The following PPP3R1 variants were observed in gnomAD, a reference collection of about 807,000 sequenced individuals.
The protein encoded by PPP3R1 is calcineurin subunit B type 1.
PPP3R1 carries 5 observed loss-of-function variants against 22.6 expected under a neutral mutation model. The ratio of observed to expected loss-of-function variants is 0.22; its 90% CI spans 0.12 to 0.46. The LOEUF is 0.46. Ranked by LOEUF, PPP3R1 falls within the 20% of genes least tolerant of loss-of-function variation. PPP3R1 has a pLI of 0.99. For missense variants in PPP3R1, 61 were observed against 203.2 expected (o/e 0.30, Z 4.25); for synonymous variants, 56 against 65.2 (o/e 0.86, Z 0.68).
chr2:68,187,777 A>T (rs1022294492), intron 3 of PPP3R1, among the ~76,000 whole-genome samples: 5 of 152,296 alleles, frequency 3.3e-5, no homozygotes, highest in African/African-American at 1.2e-4. Context: ...CTAAATCATA[A>T]TCAGTTTTAT....
Position 68,187,491 on chromosome 2 carries a change from AT to A in PPP3R1, c.221-178del, listed in dbSNP as rs891782459. On this transcript the variant is annotated intron_variant, in intron 3 of 5. Coordinates refer to ENST00000234310, the MANE Select transcript of PPP3R1 (RefSeq NM_000945.4). Reference sequence around the variant, plus strand: ...ACCTCAACAAACAAGGTCTCTCTGTATTTTTTTTATTTGAACTTGGAGTTCT... The same window carrying A: ...ACCTCAACAAACAAGGTCTCTCTGTATTTTTTTATTTGAACTTGGAGTTCT... Among the ~76,000 whole-genome samples the A allele has an allele frequency of 3.0e-4, 46 of 152,148 alleles. 1 individual carries two copies. The East Asian group carries it at 4.2e-3, about 14-fold the overall frequency.
chr2:68,181,300 G>A (rs1166899177), intron 5 of PPP3R1, among the ~76,000 whole-genome samples: 1 of 151,684 alleles, frequency 6.6e-6, no homozygotes, highest in Non-Finnish European at 1.5e-5. Flanking sequence ...GGCTGATGCA[G>A]GAGAATCGCT....
intron 1 of PPP3R1, among the ~76,000 whole-genome samples, chr2:68,218,091 A>G (rs571215739): frequency 3.9e-4 from 60 of 152,324 alleles, no homozygotes; most frequent in Admixed American, 1.4e-3. Flanking sequence ...TTTAAAGTTC[A>G]GTGGTAAATT....
chr2:68,241,360 T>C (rs758304610), intron 1 of PPP3R1, among the ~76,000 whole-genome samples: 8 of 152,222 alleles, frequency 5.3e-5, no homozygotes, highest in African/African-American at 7.2e-5. Flanking sequence ...CCAGAACTCA[T>C]GGGCATGGAA....
intron 2 of PPP3R1, among the ~76,000 whole-genome samples, chr2:68,198,409 GTA>G (rs1318282794): frequency 8.6e-6 from 1 of 115,718 alleles, no homozygotes; most frequent in African/African-American, 3.5e-5. Flanking sequence ...ATATGTGTAT[GTA>G]TATGCATATA....
chr2:68,197,559 C>A (rs1674812907), intron 2 of PPP3R1, among the ~76,000 whole-genome samples: 2 of 152,050 alleles, frequency 1.3e-5, no homozygotes, highest in Non-Finnish European at 2.9e-5. Flanking sequence ...AAGTAATGTA[C>A]CATTTTACTC....
chr2:68,197,546 C>G (rs949863473), intron 2 of PPP3R1, among the ~76,000 whole-genome samples: 1 of 152,070 alleles, frequency 6.6e-6, no homozygotes, highest in Non-Finnish European at 1.5e-5. Context: ...TGTCAGTTTT[C>G]CAAAGTAATG....
chr2:68,197,611 T>G (rs999743827), intron 2 of PPP3R1, among the ~76,000 whole-genome samples: 1 of 152,172 alleles, frequency 6.6e-6, no homozygotes, highest in African/African-American at 2.4e-5. Context: ...CTCCACATCC[T>G]TGCTAACAAG....
intron 2 of PPP3R1, among the ~76,000 whole-genome samples, chr2:68,189,593 C>A (rs1468153674): frequency 1.3e-5 from 2 of 152,206 alleles, no homozygotes; most frequent in South Asian, 4.2e-4. Flanking sequence ...ACGGGCCAGG[C>A]GCAATGGCTC....
chr2:68,197,517 G>A (rs915651204), intron 2 of PPP3R1, among the ~76,000 whole-genome samples: 1 of 152,080 alleles, frequency 6.6e-6, no homozygotes, highest in African/African-American at 2.4e-5. Flanking sequence ...CTGGGTCACA[G>A]GGTTAAGTTT....
intron 1 of PPP3R1, among the ~76,000 whole-genome samples, chr2:68,218,058 T>C (rs1254749271): frequency 6.6e-6 from 1 of 152,152 alleles, no homozygotes; most frequent in African/African-American, 2.4e-5. Context: ...GTCTACAGAA[T>C]TTAAAGTAAT....
At chr2:68,216,071 G>A (rs540036000) in intron 2 of PPP3R1, among the ~76,000 whole-genome samples, 10 of 152,102 alleles carry the variant, frequency 6.6e-5, no homozygotes, top group Middle Eastern at 6.8e-3. Context: ...ATAGAGGGAC[G>A]ATCCTGTATT....
At chr2:68,197,748 G>A (rs886884468) in intron 2 of PPP3R1, among the ~76,000 whole-genome samples, 3 of 151,842 alleles carry the variant, frequency 2.0e-5, no homozygotes, top group African/African-American at 4.8e-5. Flanking sequence ...TTTTCTAATA[G>A]TATTTTCTCC....
chr2:68,251,358 CAAG>C (rs575921792), intron 1 of PPP3R1, among the ~76,000 whole-genome samples: 108 of 152,256 alleles, frequency 7.1e-4, no homozygotes, highest in African/African-American at 2.3e-3. Flanking sequence ...GAGAGAGACA[CAAG>C]AAGGTACCAA....
intron 1 of PPP3R1, among the ~76,000 whole-genome samples, chr2:68,248,112 AAACT>A (rs1230001389): frequency 1.3e-5 from 2 of 152,178 alleles, no homozygotes; most frequent in Non-Finnish European, 2.9e-5. Flanking sequence ...CAGCCACGCT[AAACT>A]AACACTGTAG....
At chr2:68,229,637 T>A (rs1669848543) in intron 1 of PPP3R1, among the ~76,000 whole-genome samples, 4 of 152,190 alleles carry the variant, frequency 2.6e-5, no homozygotes, top group Non-Finnish European at 5.9e-5. Flanking sequence ...TATCATATAA[T>A]GCCTAGTCAC....
chr2:68,198,932 T>A (rs1467837411), intron 2 of PPP3R1, among the ~76,000 whole-genome samples: 1 of 152,158 alleles, frequency 6.6e-6, no homozygotes. Context: ...TTTTACTCTA[T>A]TATGCATGGT....
At chr2:68,229,965 T>TAC (rs1157191768) in intron 1 of PPP3R1, among the ~76,000 whole-genome samples, 2,494 of 49,406 alleles carry the variant, frequency 0.05, 35 homozygotes, top group Non-Finnish European at 0.061. Context: ...TGTGTATATA[T>TAC]ACACACATAC....
intron 1 of PPP3R1, among the ~76,000 whole-genome samples, chr2:68,220,505 A>G (rs1399427067): frequency 6.6e-6 from 1 of 152,232 alleles, no homozygotes; most frequent in African/African-American, 2.4e-5. Context: ...CAGAACGACT[A>G]TATTGGCCAT....
Sources: allele counts gnomAD v4.1 joint callset (sites outside exome capture counted in the v4.1 genomes callset), GRCh38; gene constraint gnomAD v4.1.1; transcripts MANE v1.5; gene names NCBI Gene and HGNC (gene_info 2026-07-23, HGNC 2026-07-21).